Variants in TMTC2 observed in about 807,000 individuals in gnomAD.
TMTC2 encodes transmembrane O-mannosyltransferase targeting cadherins 2.
A neutral mutation model predicts 82.4 loss-of-function variants in TMTC2; 43 were observed. The observed-to-expected ratio is 0.52, with a 90% CI of 0.41 to 0.67. The LOEUF (loss-of-function observed/expected upper bound fraction) is 0.67, where lower values mean the gene tolerates loss of function less well. Ranked by LOEUF, TMTC2 falls within the 30% of genes least tolerant of loss-of-function variation. The probability of loss-of-function intolerance (pLI) is 0.00; values close to 1 mark genes in which losing one functional copy is unlikely to be tolerated. For missense variants in TMTC2, 919 were observed against 1,012.4 expected (o/e 0.91, Z 1.25); for synonymous variants, 408 against 381.9 (o/e 1.07, Z -0.80).
At chr12:82,917,304 A>G (rs1268755506) in intron 3 of TMTC2, among the ~76,000 whole-genome samples, 3 of 151,962 alleles carry the variant, frequency 2.0e-5, no homozygotes, top group Non-Finnish European at 4.4e-5. Context: ...AAAGTTTAAC[A>G]TAATTAACAT....
At chr12:83,059,543 C>A (rs914296955) in intron 10 of TMTC2, among the ~76,000 whole-genome samples, 1 of 151,658 alleles carries the variant, frequency 6.6e-6, no homozygotes, top group African/African-American at 2.4e-5. Flanking sequence ...AGTTATATGA[C>A]ATATATAGTA....
chr12:82,956,504 C>T (rs1317976338), intron 4 of TMTC2, among the ~76,000 whole-genome samples: 1 of 152,044 alleles, frequency 6.6e-6, no homozygotes, highest in African/African-American at 2.4e-5. Flanking sequence ...GGCTAGAGTA[C>T]AATAGTATGA....
chr12:82,818,850 G>A (rs908957637), intron 1 of TMTC2, among the ~76,000 whole-genome samples: 1 of 152,130 alleles, frequency 6.6e-6, no homozygotes, highest in African/African-American at 2.4e-5. Context: ...AAAATAAAAA[G>A]TAGGTCACTT....
At chr12:82,792,788 A>G (rs1192074267) in intron 1 of TMTC2, among the ~76,000 whole-genome samples, 2 of 152,036 alleles carry the variant, frequency 1.3e-5, no homozygotes, top group South Asian at 4.2e-4. Context: ...GTTACTTTAC[A>G]TTTTATTTTC....
rs913518102 is a variant in TMTC2 at position 82,857,670 on chromosome 12, C to T, written c.654+90C>T. The stretch of plus-strand genomic sequence containing the variant: ...CCATTTAAAAAGCAAATTTATTCCT[C>T]TGCAAGCGGAATTTAAAATAAGTTC... On this transcript the variant is annotated intron_variant, in intron 2 of 11. Coordinates refer to ENST00000321196, the MANE Select transcript of TMTC2 (RefSeq NM_152588.3). 4.9e-6 allele frequency: 6 copies of T among 1,228,714 alleles called. No homozygotes were observed. In the African/African-American group the frequency reaches 9.1e-5, roughly 19 times the overall value. The allele number at this position is 1,228,714 out of a possible 1,614,324, so 76.1% of individuals were successfully genotyped here. A position where few individuals can be genotyped will look rare whatever the true frequency, so the allele number is the denominator to read the frequency against.
At chr12:82,882,026 GTCTC>G (rs1220551601) in intron 2 of TMTC2, among the ~76,000 whole-genome samples, 1 of 128,978 alleles carries the variant, frequency 7.8e-6, no homozygotes, top group Non-Finnish European at 1.5e-5. Flanking sequence ...TTGAGACGGA[GTCTC>G]TCTCTGTCGC....
intron 11 of TMTC2, among the ~76,000 whole-genome samples, chr12:83,131,224 C>T (rs1359624260): frequency 1.3e-5 from 2 of 152,180 alleles, no homozygotes; most frequent in Non-Finnish European, 2.9e-5. Context: ...AAAATATTAT[C>T]TGCTTTCTGT....
rs1882754282 is a variant in TMTC2, at chr12:83,061,829, A to G, written c.2329A>G (p.Asn777Asp). 4 of 1,594,694 alleles carry G rather than the reference A, an allele frequency of 2.5e-6. No individual in the cohort carries two copies. The highest frequency in any genetic ancestry group is 3.4e-6 in the Non-Finnish European group (4 of 1,170,716). The change falls in exon 11 of 12, where the codon AAT becomes GAT. Residue 777 changes from asparagine (N) to aspartate (D), a missense_variant and splice_region_variant. Coordinates refer to ENST00000321196, the MANE Select transcript of TMTC2 (RefSeq NM_152588.3). ...YYDLAARLRP[N>D]YPAALMNLGA... is the part of the protein sequence containing the mutation. ...TGATCTGGCAGCCAGGCTGAGGCCTAATGTAAGTACTTCCCTAATGAGAAA... is the reference window on the plus strand; with the variant it reads ...TGATCTGGCAGCCAGGCTGAGGCCTGATGTAAGTACTTCCCTAATGAGAAA...
intron 1 of TMTC2, among the ~76,000 whole-genome samples, chr12:82,784,769 A>G (rs931153162): frequency 1.3e-5 from 2 of 152,000 alleles, no homozygotes; most frequent in African/African-American, 4.8e-5. Flanking sequence ...TTTCCAGCGT[A>G]TTTTCAGCTG....
intron 8 of TMTC2, among the ~76,000 whole-genome samples, chr12:82,999,755 C>T (rs1285275894): frequency 6.6e-6 from 1 of 152,156 alleles, no homozygotes; most frequent in Non-Finnish European, 1.5e-5. Flanking sequence ...TATCTCTCAC[C>T]AGGTCCCTTC....
chr12:82,789,728 C>A (rs1469379939), intron 1 of TMTC2, among the ~76,000 whole-genome samples: 1 of 152,098 alleles, frequency 6.6e-6, no homozygotes, highest in Non-Finnish European at 1.5e-5. Flanking sequence ...TTCATCTTCC[C>A]TCTTTGAATG....
At chr12:83,095,632 G>A (rs1884005365) in intron 11 of TMTC2, among the ~76,000 whole-genome samples, 1 of 152,112 alleles carries the variant, frequency 6.6e-6, no homozygotes, top group Non-Finnish European at 1.5e-5. Context: ...TTGAGTGAGT[G>A]AAAGAATGAA....
chr12:82,897,382 T>G (rs1873739056), intron 3 of TMTC2, among the ~76,000 whole-genome samples: 1 of 152,138 alleles, frequency 6.6e-6, no homozygotes, highest in South Asian at 2.1e-4. Flanking sequence ...AATAAAAAAG[T>G]CAAAAGCTAT....
chr12:82,876,836 A>G (rs148494973), intron 2 of TMTC2, among the ~76,000 whole-genome samples: 1 of 152,210 alleles, frequency 6.6e-6, no homozygotes, highest in East Asian at 1.9e-4. Flanking sequence ...GGGAATCCTC[A>G]TTTTACCTCT....
In TMTC2 at chr12:82,896,062, C is replaced by T. The variant is rs1306372647; in HGVS notation, c.899C>T (p.Pro300Leu). 2 of 1,614,030 alleles carry T rather than the reference C, an allele frequency of 1.2e-6. No individual in the cohort carries two copies. Among genetic ancestry groups the T allele is most frequent in the Non-Finnish European group, 1.7e-6 (2 of 1,180,018 alleles). ...TTTGATTGGTCAATGGATGCTGTGC[C>T]TCTGCTCAAAACAGTTTGTGACTGG... The part of the protein sequence containing the change: ...LSFDWSMDAV[P>L]LLKTVCDWRN... The change falls in exon 3 of 12, where the codon CCT becomes CTT. Residue 300 changes from proline to leucine, a missense_variant. Physicochemically the swap from Pro to Leu is moderately conservative, Grantham distance 98 (BLOSUM62 -3). Coordinates refer to ENST00000321196, the MANE Select transcript of TMTC2 (RefSeq NM_152588.3).
intron 1 of TMTC2, among the ~76,000 whole-genome samples, chr12:82,724,579 C>T (rs936439321): frequency 6.6e-6 from 1 of 152,226 alleles, no homozygotes; most frequent in Admixed American, 6.5e-5. Flanking sequence ...TTCCTGAGGC[C>T]TCCCCATGCT....
At chr12:82,836,577 G>A (rs541396705) in intron 1 of TMTC2, among the ~76,000 whole-genome samples, 9 of 152,212 alleles carry the variant, frequency 5.9e-5, no homozygotes, top group East Asian at 1.9e-4. Context: ...TAGAGCCTCC[G>A]GAAGGAATAC....
chr12:82,710,268 A>G (rs1461977706), intron 1 of TMTC2, among the ~76,000 whole-genome samples: 7 of 152,338 alleles, frequency 4.6e-5, no homozygotes, highest in African/African-American at 1.7e-4. Flanking sequence ...CTGTGTCCAG[A>G]CATCTTGTTG....
chr12:82,975,545 A>G (rs936611726), intron 7 of TMTC2, among the ~76,000 whole-genome samples: 1 of 152,202 alleles, frequency 6.6e-6, no homozygotes, highest in Middle Eastern at 3.2e-3. Context: ...TTATTATAGA[A>G]TCTTATTCTC....
Sources: gnomAD v4.1 joint callset for allele counts (sites outside exome capture counted in the v4.1 genomes callset) on GRCh38, gnomAD v4.1.1 for gene constraint, MANE v1.5 for transcripts, NCBI Gene and HGNC (gene_info 2026-07-23, HGNC 2026-07-21) for gene names.